TENM4: variants seen among roughly 807,000 people sequenced by gnomAD.
The protein encoded by TENM4 is teneurin transmembrane protein 4, also known as teneurin-4.
Under a neutral mutation model 243.3 loss-of-function variants are expected in TENM4, and 82 were observed. The observed-to-expected ratio is 0.34, with a 90% CI of 0.28 to 0.40. The LOEUF is 0.40. TENM4 is among the 10% of genes least tolerant of loss of function. TENM4 has a pLI of 1.00. For synonymous variants in TENM4, 1,412 were observed against 1,456.3 expected, an observed-to-expected ratio of 0.97 and a Z score of 0.69; for missense variants, 3,138 against 3,673.3, an observed-to-expected ratio of 0.85 and a Z score of 3.77.
intron 9 of TENM4, among the ~76,000 whole-genome samples, chr11:78,869,168 T>C (rs1365434606): frequency 6.6e-6 from 1 of 151,124 alleles, no homozygotes; most frequent in East Asian, 1.9e-4. Context: ...TGTCTAAAAA[T>C]AGGAGAACGA....
chr11:79,135,438 G>A (rs889452043), intron 4 of TENM4, among the ~76,000 whole-genome samples: 3 of 152,156 alleles, frequency 2.0e-5, no homozygotes, highest in African/African-American at 4.8e-5. Context: ...GGAAAACAGT[G>A]TGGAGATTCC....
chr11:79,100,454 C>T (rs2137076545), intron 4 of TENM4, among the ~76,000 whole-genome samples: 1 of 152,196 alleles, frequency 6.6e-6, no homozygotes, highest in South Asian at 2.1e-4. Flanking sequence ...TAATTTCATC[C>T]CCACCTCAAC....
chr11:78,985,007 A>G (rs1857886538), intron 6 of TENM4, among the ~76,000 whole-genome samples: 1 of 152,146 alleles, frequency 6.6e-6, no homozygotes, highest in Non-Finnish European at 1.5e-5. Context: ...TCCTGGCCCT[A>G]CCACTTAAGG....
chr11:78,695,347 T>C lies in TENM4; in HGVS notation c.5087+6179A>G, dbSNP rs1326197446. 2.0e-5 allele frequency among the ~76,000 whole-genome samples: 3 copies of C among 152,046 alleles called. No homozygotes were observed. The East Asian group carries it at 5.8e-4, about 29-fold the overall frequency. On this transcript the variant is annotated intron_variant, in intron 28 of 33. Coordinates refer to ENST00000278550, the MANE Select transcript of TENM4 (RefSeq NM_001098816.3). ...TGAAAGATATTTTTATTGAGTATAA[T>C]ATCTGAGTGGACAATTTTTTTTGTT... is the stretch of plus-strand genomic sequence containing the variant.
intron 6 of TENM4, among the ~76,000 whole-genome samples, chr11:78,923,866 C>G (rs1226738440): frequency 7.4e-6 from 1 of 135,966 alleles, no homozygotes; most frequent in Non-Finnish European, 1.6e-5. Flanking sequence ...CTTTTCTTTT[C>G]CTTTTGAGAC....
chr11:78,995,805 A>G (rs1259536364), intron 6 of TENM4, among the ~76,000 whole-genome samples: 1 of 151,982 alleles, frequency 6.6e-6, no homozygotes, highest in Admixed American at 6.6e-5. Flanking sequence ...CCTGAGTTTG[A>G]ATCCTGGATT....
chr11:78,903,132 C>G, intron 7 of TENM4, 136 bp downstream of exon 7: 1 of 1,291,616 alleles, frequency 7.7e-7, no homozygotes, highest in Non-Finnish European at 1.0e-6. Context: ...AACCGCATCC[C>G]TAAACCGTGC....
intron 3 of TENM4, among the ~76,000 whole-genome samples, chr11:79,152,362 C>T (rs1016119210): frequency 1.3e-5 from 2 of 152,088 alleles, no homozygotes; most frequent in East Asian, 1.9e-4. Context: ...AGAGGAGAAC[C>T]GGAGAGGTTC....
At chr11:78,769,512 T>C (rs759837535) in intron 18 of TENM4, among the ~76,000 whole-genome samples, 4 of 152,258 alleles carry the variant, frequency 2.6e-5, no homozygotes, top group African/African-American at 4.8e-5. Context: ...TCCTGGCATA[T>C]AGGGAGAGGA....
chr11:79,165,723 T>C (rs1344937821), intron 3 of TENM4, among the ~76,000 whole-genome samples: 1 of 152,194 alleles, frequency 6.6e-6, no homozygotes, highest in African/African-American at 2.4e-5. Flanking sequence ...TAAGCCAGTA[T>C]CTAGAAGGGT....
intron 2 of TENM4, among the ~76,000 whole-genome samples, chr11:79,241,872 C>T (rs892319733): frequency 1.3e-5 from 2 of 152,226 alleles, no homozygotes; most frequent in East Asian, 1.9e-4. Context: ...AGCAAGGGGG[C>T]GGCAGGACCC....
At chr11:79,315,226 G>A (rs935839085) in intron 1 of TENM4, among the ~76,000 whole-genome samples, 4 of 152,194 alleles carry the variant, frequency 2.6e-5, no homozygotes, top group Non-Finnish European at 4.4e-5. Context: ...GGGCACTCAA[G>A]AGGGAAATGA....
intron 25 of TENM4, among the ~76,000 whole-genome samples, chr11:78,718,275 G>T (rs180793468): frequency 6.6e-6 from 1 of 150,846 alleles, no homozygotes; most frequent in East Asian, 1.9e-4. Context: ...AAACTGCAAG[G>T]CAGAAAGTGA....
intron 1 of TENM4, among the ~76,000 whole-genome samples, chr11:79,371,967 T>G (rs2135510320): frequency 6.6e-6 from 1 of 152,216 alleles, no homozygotes; most frequent in Non-Finnish European, 1.5e-5. Flanking sequence ...TGCGATGAAC[T>G]GAGGAAGAGA....
At chr11:78,970,751 G>A (rs937612272) in intron 6 of TENM4, among the ~76,000 whole-genome samples, 3 of 152,160 alleles carry the variant, frequency 2.0e-5, no homozygotes, top group Non-Finnish European at 2.9e-5. Flanking sequence ...GGTTAAAGGA[G>A]ACTATGGAAA....
intron 12 of TENM4, among the ~76,000 whole-genome samples, chr11:78,814,971 C>A (rs191444885): frequency 1.1e-3 from 165 of 152,320 alleles, no homozygotes; most frequent in African/African-American, 3.9e-3. Flanking sequence ...ATGTGTTCAC[C>A]ACCCATCAGC....
intron 3 of TENM4, among the ~76,000 whole-genome samples, chr11:79,188,674 G>A (rs186212958): frequency 6.6e-6 from 1 of 151,766 alleles, no homozygotes; most frequent in East Asian, 1.9e-4. Context: ...GGATGGGGAT[G>A]GGGAAGAGGA....
chr11:79,208,652 G>A (rs925402300), intron 3 of TENM4, among the ~76,000 whole-genome samples: 1 of 152,152 alleles, frequency 6.6e-6, no homozygotes, highest in African/African-American at 2.4e-5. Flanking sequence ...AGGCTCTGTG[G>A]CCCCATCTGT....
At chr11:78,934,168 A>C (rs998610331) in intron 6 of TENM4, among the ~76,000 whole-genome samples, 1 of 152,206 alleles carries the variant, frequency 6.6e-6, no homozygotes, top group Non-Finnish European at 1.5e-5. Context: ...GCAGAAAGAC[A>C]GAGTGGGGCT....
Sources: allele counts gnomAD v4.1 joint callset (sites outside exome capture counted in the v4.1 genomes callset), GRCh38; gene constraint gnomAD v4.1.1; transcripts MANE v1.5; gene names NCBI Gene and HGNC (gene_info 2026-07-23, HGNC 2026-07-21).